Variants in PLCXD2 observed in about 807,000 individuals in gnomAD.
The protein encoded by PLCXD2 is PI-PLC X domain-containing protein 2.
Under a neutral mutation model 28.6 loss-of-function variants are expected in PLCXD2, and 21 were observed. The ratio of observed to expected loss-of-function variants is 0.73; its 90% CI spans 0.52 to 1.06. The LOEUF (loss-of-function observed/expected upper bound fraction) is 1.06. Ranked by LOEUF, PLCXD2 falls within the 50% of genes least tolerant of loss-of-function variation. The pLI, the probability that PLCXD2 is intolerant of heterozygous loss-of-function variation, is 0.00. For synonymous variants in PLCXD2, 140 were observed against 150.1 expected, an observed-to-expected ratio of 0.93 and a Z score of 0.49; for missense variants, 369 against 376.7, an observed-to-expected ratio of 0.98 and a Z score of 0.17.
chr3:111,682,516 A>T (rs539768524), intron 1 of PLCXD2, among the ~76,000 whole-genome samples: 5 of 152,318 alleles, frequency 3.3e-5, no homozygotes, highest in African/African-American at 1.2e-4. Context: ...ACCTGACAAG[A>T]TGAAAATAAA....
intron 1 of PLCXD2, among the ~76,000 whole-genome samples, chr3:111,679,853 C>G (rs1940686156): frequency 6.6e-6 from 1 of 152,186 alleles, no homozygotes; most frequent in African/African-American, 2.4e-5. Flanking sequence ...CTCCTGCCTT[C>G]CTTCTTCCCT....
At chr3:111,713,549 T>C (rs1941229606) in intron 2 of PLCXD2, among the ~76,000 whole-genome samples, 1 of 152,252 alleles carries the variant, frequency 6.6e-6, no homozygotes, top group East Asian at 1.9e-4. Context: ...TTATTTAATA[T>C]ATTGATTGCT....
At chr3:111,703,739 C>G (rs1941079076) in intron 1 of PLCXD2, among the ~76,000 whole-genome samples, 1 of 152,058 alleles carries the variant, frequency 6.6e-6, no homozygotes, top group Non-Finnish European at 1.5e-5. Flanking sequence ...GCTATACAGC[C>G]AAAGGAAGCA....
chr3:111,714,028 T>C lies in PLCXD2; in HGVS notation c.766T>C (p.Ser256Pro). The change falls in exon 3 of 5, where the codon TCA becomes CCA. Residue 256 changes from serine (S) to proline (P), a missense_variant. Ser to Pro is a moderately conservative substitution (Grantham distance 74). Transcript: ENST00000477665. Reference sequence around the variant, plus strand: ...GGAGACCACTCTGAGTGAGCGGGCCTCACGGGGCTCCTTCCATGTCTCCCA... The same window carrying C: ...GGAGACCACTCTGAGTGAGCGGGCCCCACGGGGCTCCTTCCATGTCTCCCA... 1 of 1,614,186 alleles carries C rather than the reference T, an allele frequency of 6.2e-7. No homozygotes were observed. The highest frequency in any genetic ancestry group is 8.5e-7 in the Non-Finnish European group (1 of 1,180,034).
At chr3:111,686,727 C>T (rs1405404210) in intron 1 of PLCXD2, among the ~76,000 whole-genome samples, 1 of 152,116 alleles carries the variant, frequency 6.6e-6, no homozygotes, top group African/African-American at 2.4e-5. Flanking sequence ...TTGGTGGCTC[C>T]AAAGAGATAT....
At chr3:111,696,521 G>A (rs1940963798) in intron 1 of PLCXD2, among the ~76,000 whole-genome samples, 1 of 152,040 alleles carries the variant, frequency 6.6e-6, no homozygotes, top group South Asian at 2.1e-4. Context: ...GCTATAGTGG[G>A]TAACTGGAAA....
chr3:111,704,883 G>C (rs1478763133), intron 1 of PLCXD2, among the ~76,000 whole-genome samples: 1 of 151,136 alleles, frequency 6.6e-6, no homozygotes, highest in African/African-American at 2.4e-5. Context: ...CACCATCTCA[G>C]CTCACTGCAA....
chr3:111,678,757 A>G (rs1389185286), intron 1 of PLCXD2, among the ~76,000 whole-genome samples: 1 of 152,172 alleles, frequency 6.6e-6, no homozygotes, highest in Non-Finnish European at 1.5e-5. Context: ...ATTAAAAATT[A>G]TGTGATTAAT....
At chr3:111,683,420 G>A (rs1362609464) in intron 1 of PLCXD2, among the ~76,000 whole-genome samples, 3 of 152,178 alleles carry the variant, frequency 2.0e-5, no homozygotes, top group Non-Finnish European at 2.9e-5. Context: ...ATGTCATCCT[G>A]ATGGCAAAAA....
chr3:111,706,827 A>AAC (rs1491082968), intron 1 of PLCXD2, among the ~76,000 whole-genome samples: 1 of 146,718 alleles, frequency 6.8e-6, no homozygotes, highest in African/African-American at 2.6e-5. Flanking sequence ...AAAAAAAAAA[A>AAC]CACAAAGAGA....
At chr3:111,687,132 T>C (rs1940806372) in intron 1 of PLCXD2, among the ~76,000 whole-genome samples, 1 of 152,252 alleles carries the variant, frequency 6.6e-6, no homozygotes, top group Non-Finnish European at 1.5e-5. Context: ...TAGTACCTAC[T>C]AAATTCCAGA....
intron 1 of PLCXD2, among the ~76,000 whole-genome samples, chr3:111,678,596 T>C (rs939689250): frequency 5.9e-5 from 9 of 152,226 alleles, no homozygotes; most frequent in Non-Finnish European, 1.0e-4. Flanking sequence ...TTGGGAAGGT[T>C]CTATTGGGAA....
intron 1 of PLCXD2, among the ~76,000 whole-genome samples, chr3:111,683,765 G>A (rs1344766231): frequency 1.3e-5 from 2 of 152,072 alleles, no homozygotes; most frequent in African/African-American, 2.4e-5. Flanking sequence ...ATTACTGCTG[G>A]AAGAAGCATA....
At chr3:111,685,269 T>TTGTAC (rs1940777954) in intron 1 of PLCXD2, among the ~76,000 whole-genome samples, 1 of 152,232 alleles carries the variant, frequency 6.6e-6, no homozygotes, top group South Asian at 2.1e-4. Flanking sequence ...TGAACTAAGA[T>TTGTAC]TGTACTTCTT....
At chr3:111,702,844 G>T (rs1157842352) in intron 1 of PLCXD2, among the ~76,000 whole-genome samples, 1 of 152,168 alleles carries the variant, frequency 6.6e-6, no homozygotes, top group Non-Finnish European at 1.5e-5. Context: ...AGTTGTAGGG[G>T]AGTAATAAGG....
rs990477125 is a variant in PLCXD2 at position 111,675,055 on chromosome 3, G to T, written c.-191G>T. The T allele has an allele frequency of 6.5e-6, 4 of 611,310 alleles. No homozygotes were observed. In the Admixed American group the frequency reaches 9.1e-5, roughly 14 times the overall value. 37.9% of individuals were successfully genotyped at this position (611,310 alleles called of 1,614,324 possible). A position where few individuals can be genotyped will look rare whatever the true frequency, so the allele number is the denominator to read the frequency against. Reference sequence around the variant, plus strand: ...ATTAAGGGAGTGGAGCGGAGGCTGGGCCGGAGAGAGTGGGGACTGTGAGTG... The same window carrying T: ...ATTAAGGGAGTGGAGCGGAGGCTGGTCCGGAGAGAGTGGGGACTGTGAGTG... On this transcript the variant is annotated 5_prime_UTR_variant, in exon 1 of 5. Coordinates refer to ENST00000477665, the MANE Select transcript of PLCXD2 (RefSeq NM_001185106.1).
At chr3:111,700,035 G>GT (rs1941018897) in intron 1 of PLCXD2, among the ~76,000 whole-genome samples, 1 of 152,204 alleles carries the variant, frequency 6.6e-6, no homozygotes, top group Admixed American at 6.5e-5. Flanking sequence ...ATTTGTGGCT[G>GT]TAAGTATCAA....
At chr3:111,717,210 G>T (rs147911989) in intron 3 of PLCXD2, among the ~76,000 whole-genome samples, 6 of 152,186 alleles carry the variant, frequency 3.9e-5, no homozygotes, top group African/African-American at 1.4e-4. Context: ...AACCTCATCA[G>T]ATTGTAGCCT....
chr3:111,683,850 A>G (rs1242162135), intron 1 of PLCXD2, among the ~76,000 whole-genome samples: 1 of 152,160 alleles, frequency 6.6e-6, no homozygotes, highest in Non-Finnish European at 1.5e-5. Context: ...TGAAAAATAC[A>G]CAGAAATTAG....
Sources: allele counts gnomAD v4.1 joint callset (sites outside exome capture counted in the v4.1 genomes callset), GRCh38; gene constraint gnomAD v4.1.1; transcripts MANE v1.5; gene names NCBI Gene and HGNC (gene_info 2026-07-23, HGNC 2026-07-21).